The following PLEKHG7 variants were observed in gnomAD, a reference collection of about 807,000 sequenced individuals.
The protein encoded by PLEKHG7 is pleckstrin homology and RhoGEF domain containing G7, also known as pleckstrin homology domain-containing family G member 7.
PLEKHG7 carries 77 observed loss-of-function variants against 85.2 expected under a neutral mutation model. The observed-to-expected ratio is 0.90, with a 90% CI of 0.75 to 1.09. The LOEUF is 1.09. PLEKHG7 is among the 50% of genes least tolerant of loss of function. PLEKHG7 has a pLI of 0.00. For synonymous variants in PLEKHG7, 301 were observed against 302.4 expected (o/e 1.00, Z 0.05); for missense variants, 777 against 804.3 (o/e 0.97, Z 0.41).
chr12:92,756,381 A>G lies in PLEKHG7; in HGVS notation c.1626A>G (p.Leu542=), dbSNP rs1234422898. 6.2e-7 allele frequency: 1 copy of G among 1,609,902 alleles called. No individual in the cohort carries two copies. The highest frequency in any genetic ancestry group is 1.7e-5 in the Admixed American group (1 of 60,008). ...GACACCTTCTCTATGAAGGAAAATT[A>G]ACTCTTGCAGGTAAATAACTGCTTC... ...TSRHLLYEGK[L]TLAESTRFLD... is the part of the protein sequence containing the mutation. Residue 542 remains leucine, a synonymous_variant, in exon 13 of 17, where the codon TTA becomes TTG. Transcript: ENST00000344636.
intron 6 of PLEKHG7, among the ~76,000 whole-genome samples, chr12:92,737,120 C>A (rs896749460): frequency 1.3e-5 from 2 of 152,236 alleles, no homozygotes; most frequent in African/African-American, 4.8e-5. Context: ...TGATTTGAAT[C>A]TTAAACTAGA....
At chr12:92,768,053 A>G (rs1252208990) in intron 15 of PLEKHG7, among the ~76,000 whole-genome samples, 3 of 151,968 alleles carry the variant, frequency 2.0e-5, no homozygotes, top group Non-Finnish European at 4.4e-5. Context: ...TAAAAACACA[A>G]AAAAATTAGC....
At chr12:92,737,871 T>C (rs1872222777) in intron 7 of PLEKHG7, among the ~76,000 whole-genome samples, 1 of 151,682 alleles carries the variant, frequency 6.6e-6, no homozygotes, top group African/African-American at 2.4e-5. Context: ...TACCTATTAC[T>C]CTACTGTCTC....
intron 1 of PLEKHG7, 26 bp from the exon 2 acceptor site, chr12:92,706,445 T>C: frequency 1.6e-6 from 1 of 639,852 alleles, no homozygotes; most frequent in Non-Finnish European, 2.5e-6. Context: ...GCTACATATT[T>C]CACAGTCTGC....
chr12:92,725,028 A>G (rs1386543994), intron 3 of PLEKHG7, among the ~76,000 whole-genome samples: 1 of 152,202 alleles, frequency 6.6e-6, no homozygotes, highest in East Asian at 1.9e-4. Context: ...AACAGATTAC[A>G]AAACCCCAGG....
rs755750887 is a variant in PLEKHG7, at chr12:92,745,465, T to G, written c.1138-13T>G. 2 of 1,567,292 alleles carry G rather than the reference T, an allele frequency of 1.3e-6. No individual in the cohort carries two copies. Among genetic ancestry groups the G allele is most frequent in the East Asian group, 4.5e-5 (2 of 44,684 alleles). On this transcript the variant is annotated splice_polypyrimidine_tract_variant and intron_variant, in intron 9 of 16. Coordinates refer to ENST00000344636, the MANE Select transcript of PLEKHG7 (RefSeq NM_001377329.1). ...CTTGTGTTCATCCTCCTTCTGCTCT[T>G]CCTTTCTTGCAGTATTTCCGAGGGA...
At position 92,742,659 on chromosome 12, in the gene PLEKHG7, C is replaced by T. The variant is rs75520788; in HGVS notation, c.1137+1067C>T. Among the ~76,000 whole-genome samples the T allele has an allele frequency of 4.6e-4, 69 of 150,280 alleles. 1 individual carries two copies. In the East Asian group the frequency reaches 0.013, roughly 29 times the overall value. On this transcript the variant is annotated intron_variant, in intron 9 of 16. Transcript: ENST00000344636. ...GGAGTGCAGTAGTGCGACTTCAGCT[C>T]ACTGCAACCTCCACCTCCCAGGTTC...
At chr12:92,749,997 T>A (rs369099105) in intron 10 of PLEKHG7, among the ~76,000 whole-genome samples, 3 of 132,250 alleles carry the variant, frequency 2.3e-5, no homozygotes, top group African/African-American at 6.2e-5. Flanking sequence ...TTATTTTATT[T>A]TATTATTTTA....
chr12:92,741,304 T>A (rs1872348209), intron 8 of PLEKHG7, among the ~76,000 whole-genome samples, 187 bp from the exon 9 acceptor site: 1 of 152,198 alleles, frequency 6.6e-6, no homozygotes, highest in African/African-American at 2.4e-5. Flanking sequence ...ATAACAAGAA[T>A]TTATTTATAA....
chr12:92,765,420 G>A (rs533357870), intron 15 of PLEKHG7, among the ~76,000 whole-genome samples: 2 of 151,818 alleles, frequency 1.3e-5, no homozygotes, highest in African/African-American at 2.4e-5. Flanking sequence ...ACCTGAGGTC[G>A]GGAGCTCGAG....
At position 92,761,622 on chromosome 12, in the gene PLEKHG7, A is replaced by AGAAGAAAGAAAGAAAG. The variant is rs1873003473; in HGVS notation, c.1637-129_1637-114dup. On this transcript the variant is annotated intron_variant, in intron 13 of 16. Transcript: ENST00000344636. ...GAAAGAAAGAAAAAGAAAGAAAGAA[A>AGAAGAAAGAAAGAAAG]GAAGAAAGAAAGAAAGAAAGAAAGA... is the stretch of plus-strand genomic sequence containing the variant. The AGAAGAAAGAAAGAAAG allele has an allele frequency of 1.7e-5, 15 of 885,922 alleles. No individual in the cohort carries two copies. In the African/African-American group the frequency reaches 2.9e-4, roughly 17 times the overall value. 54.9% of individuals were successfully genotyped at this position (885,922 alleles called of 1,614,324 possible).
rs80263767 is a variant in PLEKHG7, at chr12:92,731,926, T to C, written c.659-307T>C. ...TAAATAAATTACTCAACATCTTCAG[T>C]ACAGTTTATAGATTTCCTTTCAAGC... On this transcript the variant is annotated intron_variant, in intron 4 of 16. Transcript: ENST00000344636. Among the ~76,000 whole-genome samples the C allele has an allele frequency of 4.7e-3, 715 of 152,286 alleles. 4 individuals carry two copies. The highest frequency in any genetic ancestry group is 0.017 in the African/African-American group (690 of 41,562).
intron 15 of PLEKHG7, 130 bp downstream of exon 15, chr12:92,764,324 A>G: frequency 5.4e-6 from 5 of 926,256 alleles, no homozygotes; most frequent in Non-Finnish European, 7.8e-6. Context: ...CTATGTGTCT[A>G]CATATCTTTC....
chr12:92,729,445 G>A (rs886284816), intron 4 of PLEKHG7, among the ~76,000 whole-genome samples: 2 of 148,734 alleles, frequency 1.3e-5, no homozygotes, highest in Non-Finnish European at 3.0e-5. Flanking sequence ...TCTCTAGGCT[G>A]GTGAGTAGCT....
intron 3 of PLEKHG7, among the ~76,000 whole-genome samples, chr12:92,715,880 G>A (rs372995252): frequency 6.6e-6 from 1 of 152,134 alleles, no homozygotes; most frequent in Non-Finnish European, 1.5e-5. Context: ...TGGCAGAATT[G>A]CAAGAGACTG....
chr12:92,751,493 G>A (rs149731020), intron 10 of PLEKHG7, among the ~76,000 whole-genome samples: 11 of 152,032 alleles, frequency 7.2e-5, no homozygotes, highest in South Asian at 2.1e-4. Context: ...AGCTTCCTGC[G>A]TAGCTGGGAT....
At chr12:92,761,955 A>G in intron 14 of PLEKHG7, 124 bp downstream of exon 14, 7 of 1,216,214 alleles carry the variant, frequency 5.8e-6, no homozygotes, top group Non-Finnish European at 7.3e-6. Flanking sequence ...CCTCTAAAAA[A>G]TGAAGGCATT....
chr12:92,771,112 C>A lies in PLEKHG7; in HGVS notation c.*917C>A, dbSNP rs1037573835. The stretch of plus-strand genomic sequence containing the variant: ...GAAAGGCAGTTTGAATAATTATTAT[C>A]ATGGCAGGATATATACTATTAACTA... On this transcript the variant is annotated 3_prime_UTR_variant, in exon 17 of 17. Coordinates refer to ENST00000344636, the MANE Select transcript of PLEKHG7 (RefSeq NM_001377329.1). The A allele has an allele frequency of 1.1e-4, 17 of 151,828 alleles. No homozygotes were observed. The highest frequency in any genetic ancestry group is 4.1e-4 in the African/African-American group (17 of 41,356). 9.4% of individuals were successfully genotyped at this position (151,828 alleles called of 1,614,324 possible).
At position 92,750,344 on chromosome 12, in the gene PLEKHG7, C is replaced by G. The variant is rs1036164472; in HGVS notation, c.1252-3746C>G. ...AATAGAGAGATGAAAGGAAAACTTA[C>G]AGCTTTACTTTTATAATGTCAAGCC... On this transcript the variant is annotated intron_variant, in intron 10 of 16. Transcript: ENST00000344636. Among the ~76,000 whole-genome samples, 9 of 152,300 alleles carry G rather than the reference C, an allele frequency of 5.9e-5. No homozygotes were observed. The South Asian group carries it at 1.9e-3, about 32-fold the overall frequency.
Sources: allele counts gnomAD v4.1 joint callset (sites outside exome capture counted in the v4.1 genomes callset), GRCh38; gene constraint gnomAD v4.1.1; transcripts MANE v1.5; gene names NCBI Gene and HGNC (gene_info 2026-07-23, HGNC 2026-07-21).